The following PSG9 variants were observed in gnomAD, a reference collection of about 807,000 sequenced individuals.
PSG9 encodes pregnancy-specific beta-1-glycoprotein 9.
A neutral mutation model predicts 41.9 loss-of-function variants in PSG9; 49 were observed. The ratio of observed to expected loss-of-function variants is 1.17; its 90% confidence interval spans 0.93 to 1.48. The LOEUF is 1.48. Among genes scored for constraint, PSG9 ranks in the 40% most tolerant of loss-of-function variants. The pLI is 0.00. For synonymous variants in PSG9, 263 were observed against 196.8 expected, an observed-to-expected ratio of 1.34 and a Z score of -2.82; for missense variants, 641 against 520.3, an observed-to-expected ratio of 1.23 and a Z score of -2.26.
At chr19:43,260,719 A>T (rs1277150814) in intron 3 of PSG9, 2 of 151,966 alleles carry the variant, frequency 1.3e-5, no homozygotes, top group Non-Finnish European at 2.9e-5. Context: ...TTTAGGACAG[A>T]GTTTTCTAAT....
Position 43,256,367 on chromosome 19 carries a change from A to G in PSG9, c.1243+1835T>C, listed in dbSNP as rs189200469. Among the ~76,000 whole-genome samples the G allele has an allele frequency of 2.5e-3, 364 of 147,072 alleles. 43 individuals are homozygous for G. The highest frequency in any genetic ancestry group is 0.021 in the Admixed American group (307 of 14,778). Reference sequence around the variant, plus strand: ...GGACTTCACAAAAATCAAAGCTTTTATATGTCGAAGAACATTATCAAGAAA... The same window carrying G: ...GGACTTCACAAAAATCAAAGCTTTTGTATGTCGAAGAACATTATCAAGAAA... On this transcript the variant is annotated intron_variant, in intron 5 of 5. Coordinates refer to ENST00000270077, the MANE Select transcript of PSG9 (RefSeq NM_002784.5).
chr19:43,256,938 T>C (rs1332669576), intron 5 of PSG9, among the ~76,000 whole-genome samples: 3 of 146,380 alleles, frequency 2.0e-5, no homozygotes, highest in African/African-American at 7.8e-5. Context: ...AGCGAAAAAA[T>C]GGAAACAACT....
chr19:43,259,037 T>C lies in PSG9; in HGVS notation c.808A>G (p.Thr270Ala), dbSNP rs4028443. 4.2e-4 allele frequency: 667 copies of C among 1,590,498 alleles called. 58 individuals carry two copies. The highest frequency in any genetic ancestry group is 1.0e-3 in the South Asian group (92 of 89,856). ...TGACCGTTTAGCCACCAAATGTAGG[T>C]GTAGTTCTCACTCTTAGGTTCACAG... is the stretch of plus-strand genomic sequence containing the variant. ...FTCEPKSENY[T>A]YIWWLNGQSL... is the part of the protein sequence containing the mutation. The change falls in exon 4 of 6, where the codon ACC (threonine) becomes GCC (alanine). Residue 270 changes from threonine to alanine, a missense_variant. By Grantham distance (58) the Thr-to-Ala change is moderately conservative. Transcript: ENST00000270077.
chr19:43,261,942 C>A lies in PSG9; in HGVS notation c.627G>T (p.Lys209Asn). ...NRTLYLFGVT[K>N]YIAGPYECEI... ...CACATTCATAGGGTCCTGCAATATACTTTGTGACACCAAATAGATAGAGGG... is the reference window on the plus strand; with the variant it reads ...CACATTCATAGGGTCCTGCAATATAATTTGTGACACCAAATAGATAGAGGG... Residue 209 changes from lysine (K) to asparagine (N), a missense_variant, in exon 3 of 6, where the codon AAG (lysine) becomes AAT (asparagine). Physicochemically the swap from Lys to Asn is moderately conservative, Grantham distance 94. Transcript: ENST00000270077. The A allele has an allele frequency of 6.2e-7, 1 of 1,614,088 alleles. No individual in the cohort carries two copies. The highest frequency in any genetic ancestry group is 2.2e-5 in the East Asian group (1 of 44,882).
intron 2 of PSG9, among the ~76,000 whole-genome samples, chr19:43,266,908 A>G (rs1371585518): frequency 6.6e-6 from 1 of 152,114 alleles, no homozygotes; most frequent in Admixed American, 6.5e-5. Flanking sequence ...TGGCAAATGG[A>G]CTGTGGCTTT....
In PSG9 at chr19:43,262,044, G is replaced by T; in HGVS notation, c.525C>A (p.Asp175Glu). The change falls in exon 3 of 6, where the codon GAC (aspartate) becomes GAA (glutamate). Residue 175 changes from aspartate to glutamate, a missense_variant. Transcript: ENST00000270077. ...VRLICDPETLDASYLWWMNGQ... is the reference protein window; with the variant it reads ...VRLICDPETLEASYLWWMNGQ... ...CATTCATCCACCATAGGTAGCTTGC[G>T]TCCAGAGTCTCAGGATCACAGATTA... 6.2e-7 allele frequency: 1 copy of T among 1,613,984 alleles called. No homozygotes were observed. Among genetic ancestry groups the T allele is most frequent in the Non-Finnish European group, 8.5e-7 (1 of 1,179,898 alleles).
chr19:43,267,970 A>G lies in PSG9; in HGVS notation c.244T>C (p.Tyr82His). ...ATAATTATTTTACCATCAACTATAT[A>G]CGATATAATGTAATGGTAGAGGTCC... Reference protein sequence around the residue: ...MTDLYHYIISYIVDGKIIIYG... With the variant: ...MTDLYHYIISHIVDGKIIIYG... The change falls in exon 2 of 6, where the codon TAT becomes CAT. Residue 82 changes from tyrosine to histidine, a missense_variant. Tyr to His is a moderately conservative substitution (Grantham distance 83). Transcript: ENST00000270077. The G allele has an allele frequency of 6.2e-7, 1 of 1,613,696 alleles. No individual in the cohort carries two copies. Among genetic ancestry groups the G allele is most frequent in the Admixed American group, 1.7e-5 (1 of 60,006 alleles).
At chr19:43,256,639 A>AC (rs2122502010) in intron 5 of PSG9, among the ~76,000 whole-genome samples, 2 of 146,772 alleles carry the variant, frequency 1.4e-5, no homozygotes, top group South Asian at 4.3e-4. Flanking sequence ...CCACAATGCT[A>AC]CACCACCTCA....
chr19:43,266,442 T>G (rs1235802148), intron 2 of PSG9, among the ~76,000 whole-genome samples: 1 of 151,888 alleles, frequency 6.6e-6, no homozygotes, highest in Non-Finnish European at 1.5e-5. Flanking sequence ...AGTGTGTGTC[T>G]CTCGCTGGGC....
In PSG9 at chr19:43,261,885, A is replaced by G. The variant is rs763880893; in HGVS notation, c.684T>C (p.Ser228=). The part of the protein sequence containing the change: ...EIRNPVSASR[S]DPVTLNLLPK... ...GGAGGAGATTCAGGGTGACTGGGTC[A>G]CTGCGACTGGCACTCACTGGGTTCC... Residue 228 remains serine (S), a synonymous_variant, in exon 3 of 6, where the codon AGT becomes AGC. Coordinates refer to ENST00000270077, the MANE Select transcript of PSG9 (RefSeq NM_002784.5). 93 of 1,613,938 alleles carry G rather than the reference A, an allele frequency of 5.8e-5. 2 individuals carry two copies. The highest frequency in any genetic ancestry group is 7.4e-5 in the Non-Finnish European group (87 of 1,179,932).
In PSG9 at chr19:43,258,398, G is replaced by C. The variant is rs1247016961; in HGVS notation, c.1047C>G (p.Asn349Lys). Residue 349 changes from asparagine (N) to lysine (K), a missense_variant, in exon 5 of 6, where the codon AAC becomes AAG. Transcript: ENST00000270077. The stretch of plus-strand genomic sequence containing the variant: ...ATTCCGTGAAGCAGGACAAGTCGAG[G>C]TTTTCTCCTGAACGGTAATAGGTGA... ...PSFTYYRSGE[N>K]LDLSCFTESN... The C allele has an allele frequency of 5.7e-6, 9 of 1,591,776 alleles. 2 individuals are homozygous for C. The South Asian group carries it at 7.8e-5, about 14-fold the overall frequency.
rs992945385 is a variant in PSG9, at chr19:43,253,608, G to T, written c.*1C>A. On this transcript the variant is annotated 3_prime_UTR_variant, in exon 6 of 6. Coordinates refer to ENST00000270077, the MANE Select transcript of PSG9 (RefSeq NM_002784.5). ...TTTTCTCAGTGTCTCAGTTGTTGCA[G>T]TCATGACTGAGACTCTGTCAGGTCT... 3 of 859,574 alleles carry T rather than the reference G, an allele frequency of 3.5e-6. 1 individual carries two copies. The African/African-American group carries it at 5.4e-5, about 15-fold the overall frequency. The allele number at this position is 859,574 out of a possible 1,614,324, so 53.2% of individuals were successfully genotyped here.
rs1968752617 is a variant in PSG9, at chr19:43,262,143, G to A, written c.431-5C>T. On this transcript the variant is annotated splice_region_variant and splice_polypyrimidine_tract_variant and intron_variant, in intron 2 of 5. Transcript: ENST00000270077. ...TGTAGGGCTTGGGAGTCTCCACTGT[G>A]CAGAAAACAGAGAGAAGATTGCCCT... 6.2e-7 allele frequency: 1 copy of A among 1,610,324 alleles called. No homozygotes were observed.
chr19:43,258,150 C>A lies in PSG9; in HGVS notation c.1243+52G>T, dbSNP rs372753757. 1.6e-4 allele frequency: 249 copies of A among 1,591,796 alleles called. 11 individuals carry two copies. Among genetic ancestry groups the A allele is most frequent in the Middle Eastern group, 1.3e-3 (7 of 5,444 alleles). Reference sequence around the variant, plus strand: ...GTTTTCCTGACTCTTCTCTGAAAGCCAGATAGACTCCACATAAAACCCTAC... The same window carrying A: ...GTTTTCCTGACTCTTCTCTGAAAGCAAGATAGACTCCACATAAAACCCTAC... On this transcript the variant is annotated intron_variant, in intron 5 of 5. Coordinates refer to ENST00000270077, the MANE Select transcript of PSG9 (RefSeq NM_002784.5).
At chr19:43,257,325 G>A (rs1968476482) in intron 5 of PSG9, 1 of 908,334 alleles carries the variant, frequency 1.1e-6, no homozygotes, top group South Asian at 5.2e-5. Context: ...TTAATGGTAA[G>A]TCTTATATTA....
At chr19:43,253,777 A>G in intron 5 of PSG9, 131 bp from the exon 6 acceptor site, 1 of 565,978 alleles carries the variant, frequency 1.8e-6, no homozygotes, top group Non-Finnish European at 3.0e-6. Context: ...ATTTAACTCT[A>G]ATGGGTGGCT....
chr19:43,254,221 CA>C (rs1239468319), intron 5 of PSG9, among the ~76,000 whole-genome samples: 1 of 146,246 alleles, frequency 6.8e-6, no homozygotes, highest in Non-Finnish European at 1.5e-5. Flanking sequence ...GTCACATAGA[CA>C]TTATTTCCAT....
chr19:43,261,721 G>C, intron 3 of PSG9, 139 bp downstream of exon 3: 1 of 1,599,578 alleles, frequency 6.3e-7, no homozygotes, highest in Non-Finnish European at 8.6e-7. Flanking sequence ...GTTTGCTTGG[G>C]GCAGAAAGTC....
chr19:43,267,341 T>C (rs1024829614), intron 2 of PSG9, among the ~76,000 whole-genome samples: 1 of 152,146 alleles, frequency 6.6e-6, no homozygotes, highest in Non-Finnish European at 1.5e-5. Flanking sequence ...AACCCAGCAC[T>C]GGCACAGGCT....
Sources: gnomAD v4.1 joint callset for allele counts (sites outside exome capture counted in the v4.1 genomes callset) on GRCh38, gnomAD v4.1.1 for gene constraint, MANE v1.5 for transcripts, NCBI Gene and HGNC (gene_info 2026-07-23, HGNC 2026-07-21) for gene names.